Variants in BACH2 observed in about 807,000 individuals in gnomAD.
The protein encoded by BACH2 is BACH transcriptional regulator 2, also known as transcription regulator protein BACH2.
A neutral mutation model predicts 61.8 loss-of-function variants in BACH2; 5 were observed. The observed-to-expected ratio is 0.08, with a 90% confidence interval of 0.04 to 0.17. BACH2 has a LOEUF of 0.17. Ranked by LOEUF, BACH2 falls within the 10% of genes least tolerant of loss-of-function variation. The pLI is 1.00. For synonymous variants in BACH2, 446 were observed against 440.1 expected (o/e 1.01, Z -0.17); for missense variants, 824 against 1,091.1 (o/e 0.76, Z 3.45).
intron 3 of BACH2, among the ~76,000 whole-genome samples, chr6:90,209,976 G>A (rs1769287223): frequency 6.6e-6 from 1 of 152,100 alleles, no homozygotes; most frequent in Non-Finnish European, 1.5e-5. Context: ...AATAATTGTT[G>A]CAGCTGCCTT....
intron 4 of BACH2, among the ~76,000 whole-genome samples, chr6:90,094,967 C>A (rs927978629): frequency 6.6e-6 from 1 of 152,120 alleles, no homozygotes; most frequent in African/African-American, 2.4e-5. Context: ...TCTAAAAATA[C>A]AAATTGCATT....
At chr6:89,933,373 TA>T (rs1266409399) in intron 8 of BACH2, among the ~76,000 whole-genome samples, 1 of 151,880 alleles carries the variant, frequency 6.6e-6, no homozygotes, top group Non-Finnish European at 1.5e-5. Flanking sequence ...CTGTGGTTGT[TA>T]GGGGTAAAAG....
intron 4 of BACH2, among the ~76,000 whole-genome samples, chr6:90,093,499 T>C (rs1782258701): frequency 6.6e-6 from 1 of 152,242 alleles, no homozygotes; most frequent in Non-Finnish European, 1.5e-5. Context: ...ATGAGGATAC[T>C]GAGCACTTGA....
chr6:90,284,745 A>G (rs934233185), intron 1 of BACH2, among the ~76,000 whole-genome samples: 2 of 152,122 alleles, frequency 1.3e-5, no homozygotes, highest in African/African-American at 4.8e-5. Context: ...AAAAAAAAAA[A>G]GCTCAAACTA....
intron 5 of BACH2, among the ~76,000 whole-genome samples, chr6:90,039,672 C>T (rs1159257913): frequency 6.6e-6 from 1 of 152,218 alleles, no homozygotes. Context: ...GCATAAGCCA[C>T]TGCGCCTGGC....
At chr6:90,071,552 T>C (rs944610237) in intron 5 of BACH2, among the ~76,000 whole-genome samples, 5 of 152,244 alleles carry the variant, frequency 3.3e-5, no homozygotes, top group Admixed American at 2.0e-4. Flanking sequence ...AACATGGCAG[T>C]ACAGCCTTTT....
chr6:90,187,122 A>G (rs992050100), intron 4 of BACH2, among the ~76,000 whole-genome samples: 5 of 152,320 alleles, frequency 3.3e-5, no homozygotes, highest in African/African-American at 1.2e-4. Flanking sequence ...AACATCTACT[A>G]AATAAATAAA....
At chr6:90,055,236 A>G (rs1307906242) in intron 5 of BACH2, among the ~76,000 whole-genome samples, 1 of 152,138 alleles carries the variant, frequency 6.6e-6, no homozygotes, top group East Asian at 1.9e-4. Flanking sequence ...AAAAAATTAG[A>G]CGAACGGATA....
chr6:90,291,159 G>A (rs1247537787), intron 1 of BACH2, among the ~76,000 whole-genome samples: 2 of 152,204 alleles, frequency 1.3e-5, no homozygotes, highest in African/African-American at 4.8e-5. Context: ...GGAATATGCT[G>A]AAGAAACGGT....
intron 1 of BACH2, among the ~76,000 whole-genome samples, chr6:90,287,979 G>A (rs1772071401): frequency 6.6e-6 from 1 of 152,190 alleles, no homozygotes; most frequent in Non-Finnish European, 1.5e-5. Context: ...AGCACAGAAG[G>A]AGGATGGGGG....
intron 5 of BACH2, among the ~76,000 whole-genome samples, chr6:90,046,766 T>A (rs550048156): frequency 1.8e-4 from 28 of 152,014 alleles, no homozygotes; most frequent in Admixed American, 4.6e-4. Context: ...TTTACGAGCA[T>A]TCAAAAATGA....
chr6:90,221,382 T>A (rs1769728938), intron 3 of BACH2, among the ~76,000 whole-genome samples: 1 of 152,204 alleles, frequency 6.6e-6, no homozygotes, highest in Admixed American at 6.5e-5. Flanking sequence ...CACCTCAGCA[T>A]CTAATTTTTT....
intron 4 of BACH2, among the ~76,000 whole-genome samples, chr6:90,205,058 G>A (rs1343762115): frequency 1.3e-5 from 2 of 152,130 alleles, no homozygotes; most frequent in African/African-American, 4.8e-5. Context: ...TGCACAGAGG[G>A]CTTTTCCAGC....
intron 6 of BACH2, among the ~76,000 whole-genome samples, chr6:89,990,594 C>T (rs138885978): frequency 1.4e-4 from 21 of 152,124 alleles, no homozygotes; most frequent in African/African-American, 5.1e-4. Context: ...TGAAGGCAAC[C>T]CATCTACCTT....
At chr6:90,177,378 C>G (rs911066701) in intron 4 of BACH2, among the ~76,000 whole-genome samples, 2 of 152,194 alleles carry the variant, frequency 1.3e-5, no homozygotes, top group African/African-American at 4.8e-5. Flanking sequence ...TACCGTACAG[C>G]AGATCCCATA....
At chr6:89,962,120 A>G (rs189357984) in intron 6 of BACH2, among the ~76,000 whole-genome samples, 18 of 152,162 alleles carry the variant, frequency 1.2e-4, no homozygotes, top group African/African-American at 3.9e-4. Context: ...GTCTTTTGAC[A>G]CTTTCCTTAG....
intron 5 of BACH2, among the ~76,000 whole-genome samples, chr6:90,036,890 G>A (rs936753646): frequency 6.6e-6 from 1 of 152,008 alleles, no homozygotes; most frequent in African/African-American, 2.4e-5. Flanking sequence ...TCCTCCAAAG[G>A]CAATCAGTGC....
At chr6:90,117,463 C>CT (rs3072652) in intron 4 of BACH2, among the ~76,000 whole-genome samples, 42,857 of 141,550 alleles carry the variant, frequency 0.3, 7,195 homozygotes, top group Non-Finnish European at 0.39. Context: ...GTTAGCTTGA[C>CT]TTTTTTTTTT....
chr6:90,096,154 T>G (rs1053260951), intron 4 of BACH2, among the ~76,000 whole-genome samples: 1 of 152,246 alleles, frequency 6.6e-6, no homozygotes, highest in Non-Finnish European at 1.5e-5. Context: ...TGAAGAGTTT[T>G]AGTGCTAAAA....
Sources: allele counts gnomAD v4.1 joint callset (sites outside exome capture counted in the v4.1 genomes callset), GRCh38; gene constraint gnomAD v4.1.1; transcripts MANE v1.5; gene names NCBI Gene and HGNC (gene_info 2026-07-23, HGNC 2026-07-21).